CEMIP2: variants seen among roughly 807,000 people sequenced by gnomAD.
CEMIP2 encodes the protein cell migration inducing hyaluronidase 2.
In CEMIP2, 79 loss-of-function variants were observed where a neutral mutation model predicts 146.9. That is an observed-to-expected ratio of 0.54 (90% CI 0.45 to 0.65). CEMIP2 has a LOEUF of 0.65. CEMIP2 is among the 30% of genes least tolerant of loss of function. CEMIP2 has a pLI of 0.00. For missense variants in CEMIP2, 1,596 were observed against 1,696.2 expected, an observed-to-expected ratio of 0.94 and a Z score of 1.04; for synonymous variants, 601 against 606.3, an observed-to-expected ratio of 0.99 and a Z score of 0.13.
At chr9:71,732,268 T>C in intron 7 of CEMIP2, 83 bp downstream of exon 7, 1 of 1,394,130 alleles carries the variant, frequency 7.2e-7, no homozygotes. Flanking sequence ...TCCATTTATA[T>C]CTTGTTCCAA....
chr9:71,692,806 G>A (rs192167701), intron 21 of CEMIP2, among the ~76,000 whole-genome samples: 83 of 152,194 alleles, frequency 5.5e-4, no homozygotes, highest in Admixed American at 1.9e-3. Flanking sequence ...TCCCAGCTAC[G>A]TGGGAGGATC....
chr9:71,768,051 AAAAG>A (rs1296942448), intron 1 of CEMIP2, among the ~76,000 whole-genome samples: 1 of 152,210 alleles, frequency 6.6e-6, no homozygotes, highest in African/African-American at 2.4e-5. Context: ...AAACGTAATG[AAAAG>A]AGAGAGTGGA....
Position 71,750,265 on chromosome 9 carries a change from G to A in CEMIP2, c.109C>T (p.Pro37Ser). 1 of 1,614,096 alleles carries A rather than the reference G, an allele frequency of 6.2e-7. No individual in the cohort carries two copies. Among genetic ancestry groups the A allele is most frequent in the Non-Finnish European group, 8.5e-7 (1 of 1,180,006 alleles). Residue 37 changes from proline (P) to serine (S), a missense_variant, in exon 2 of 24, where the codon CCC (proline) becomes TCC (serine). Physicochemically the swap from Pro to Ser is moderately conservative, Grantham distance 74. Transcript: ENST00000377044. The part of the protein sequence containing the change: ...YVPGKVVPLR[P>S]PPPPKSQASA... ...GCTTGACTCTTTGGAGGAGGAGGGG[G>A]ACGCAATGGGACAACCTTCCCTGGA...
At chr9:71,724,557 C>A (rs62547001) in intron 11 of CEMIP2, among the ~76,000 whole-genome samples, 1 of 151,938 alleles carries the variant, frequency 6.6e-6, no homozygotes, top group Admixed American at 6.6e-5. Context: ...AACTCTGGTG[C>A]GGGTCACATC....
At chr9:71,704,920 G>A in intron 17 of CEMIP2, 117 bp from the exon 18 acceptor site, 1 of 950,220 alleles carries the variant, frequency 1.1e-6, no homozygotes. Flanking sequence ...TGTGATCTGT[G>A]CCAGACTAAG....
intron 2 of CEMIP2, among the ~76,000 whole-genome samples, chr9:71,746,995 G>A (rs536474456): frequency 6.6e-6 from 1 of 152,302 alleles, no homozygotes; most frequent in East Asian, 1.9e-4. Context: ...TGATACGCAA[G>A]TTTCCCCTTT....
At chr9:71,761,603 T>C (rs1824640119) in intron 1 of CEMIP2, among the ~76,000 whole-genome samples, 1 of 152,196 alleles carries the variant, frequency 6.6e-6, no homozygotes, top group South Asian at 2.1e-4. Context: ...ATTTTTAATA[T>C]AACTTAAACC....
Position 71,704,735 on chromosome 9 carries a change from G to C in CEMIP2, c.3054C>G (p.Asn1018Lys). The change falls in exon 18 of 24, where the codon AAC (asparagine) becomes AAG (lysine). Residue 1018 changes from asparagine (N) to lysine (K), a missense_variant. Transcript: ENST00000377044. ...MTITRDEYPS[N>K]PMVLRGINQK... is the part of the protein sequence containing the mutation. ...GATTAATACCTCGGAGCACCATAGG[G>C]TTGGACGGATACTCATCTCGTGTAA... 1.9e-6 allele frequency: 3 copies of C among 1,614,186 alleles called. No individual in the cohort carries two copies. Among genetic ancestry groups the C allele is most frequent in the Non-Finnish European group, 2.5e-6 (3 of 1,180,030 alleles).
chr9:71,765,178 A>G (rs1824753057), intron 1 of CEMIP2, among the ~76,000 whole-genome samples: 1 of 152,218 alleles, frequency 6.6e-6, no homozygotes, highest in Admixed American at 6.5e-5. Flanking sequence ...AACTAGCTTA[A>G]AAGTCTAAAG....
intron 17 of CEMIP2, among the ~76,000 whole-genome samples, chr9:71,707,060 G>A (rs151224950): frequency 0.044 from 6,688 of 152,052 alleles, 220 homozygotes; most frequent in East Asian, 0.099. Flanking sequence ...ACTCCAGACC[G>A]CAGGTGATCC....
chr9:71,765,050 G>A (rs949446838), intron 1 of CEMIP2, among the ~76,000 whole-genome samples: 11 of 151,970 alleles, frequency 7.2e-5, no homozygotes, highest in African/African-American at 2.7e-4. Context: ...TTCAATTGAT[G>A]TACTGTACTA....
intron 5 of CEMIP2, among the ~76,000 whole-genome samples, chr9:71,738,618 T>A (rs925765153): frequency 6.6e-6 from 1 of 151,952 alleles, no homozygotes; most frequent in Admixed American, 6.6e-5. Context: ...GGCGGGTGGA[T>A]CACAATGTCG....
At chr9:71,740,022 C>G (rs774693726) in intron 5 of CEMIP2, 41 bp downstream of exon 5, 4 of 1,570,662 alleles carry the variant, frequency 2.5e-6, no homozygotes, top group Non-Finnish European at 2.6e-6. Flanking sequence ...TGTCATAATA[C>G]TTATCAGTGT....
chr9:71,748,706 A>G (rs919369445), intron 2 of CEMIP2, among the ~76,000 whole-genome samples: 1 of 152,204 alleles, frequency 6.6e-6, no homozygotes, highest in East Asian at 1.9e-4. Context: ...ATGGAAATCA[A>G]TGTTATAAGT....
rs750023060 is a variant in CEMIP2 at position 71,704,739 on chromosome 9, G to A, written c.3050C>T (p.Ser1017Phe). The A allele has an allele frequency of 6.2e-7, 1 of 1,614,200 alleles. No homozygotes were observed. The highest frequency in any genetic ancestry group is 8.5e-7 in the Non-Finnish European group (1 of 1,180,032). ...AATACCTCGGAGCACCATAGGGTTG[G>A]ACGGATACTCATCTCGTGTAATGGT... ...SMTITRDEYPSNPMVLRGINQ... is the reference protein window; with the variant it reads ...SMTITRDEYPFNPMVLRGINQ... The change falls in exon 18 of 24, where the codon TCC becomes TTC. Residue 1017 changes from serine to phenylalanine, a missense_variant. Coordinates refer to ENST00000377044, the MANE Select transcript of CEMIP2 (RefSeq NM_013390.3).
chr9:71,705,330 G>GA (rs1416117534), intron 17 of CEMIP2, among the ~76,000 whole-genome samples: 2 of 151,518 alleles, frequency 1.3e-5, no homozygotes, highest in African/African-American at 2.4e-5. Context: ...TGCAACAACT[G>GA]AAAAAACATT....
Position 71,695,100 on chromosome 9 carries a change from T to C in CEMIP2, c.3598-493A>G, listed in dbSNP as rs186002843. ...ATTCCATAAACAGAGTTGTGCCTTA[T>C]AGACAGGCCCCTATTTTTCCCTGTG... On this transcript the variant is annotated intron_variant, in intron 20 of 23. Transcript: ENST00000377044. Among the ~76,000 whole-genome samples, 8 of 152,268 alleles carry C rather than the reference T, an allele frequency of 5.3e-5. 1 individual carries two copies. The highest frequency in any genetic ancestry group is 2.0e-4 in the Admixed American group (3 of 15,298).
chr9:71,699,414 G>A, intron 19 of CEMIP2: 2 of 448,416 alleles, frequency 4.5e-6, no homozygotes, highest in South Asian at 1.6e-5. Context: ...CCTGTGAACT[G>A]CACTCCAGCC....
At chr9:71,760,565 A>G (rs1482892762) in intron 1 of CEMIP2, among the ~76,000 whole-genome samples, 2 of 151,420 alleles carry the variant, frequency 1.3e-5, no homozygotes, top group African/African-American at 4.8e-5. Flanking sequence ...AGTCTATGAG[A>G]AGTAATGCTT....
Sources: allele counts gnomAD v4.1 joint callset (sites outside exome capture counted in the v4.1 genomes callset), GRCh38; gene constraint gnomAD v4.1.1; transcripts MANE v1.5; gene names NCBI Gene and HGNC (gene_info 2026-07-23, HGNC 2026-07-21).